The following ACTR3C variants were observed in gnomAD, a reference collection of about 807,000 sequenced individuals.
The protein encoded by ACTR3C is actin-related protein 3C.
ACTR3C carries 18 observed loss-of-function variants against 26.3 expected under a neutral mutation model. The ratio of observed to expected loss-of-function variants is 0.68; its 90% confidence interval spans 0.47 to 1.01. The LOEUF (loss-of-function observed/expected upper bound fraction) is 1.01. Among genes scored for constraint, ACTR3C ranks in the 50% least tolerant of loss-of-function variants. The pLI is 0.00. For missense variants in ACTR3C, 184 were observed against 250.7 expected (o/e 0.73, Z 1.80); for synonymous variants, 55 against 94.5 (o/e 0.58, Z 2.42).
At chr7:150,069,628 G>C in the ACTR3C span, among the ~76,000 whole-genome samples, 1 of 152,202 alleles carries the variant, frequency 6.6e-6, no homozygotes, top group Non-Finnish European at 1.5e-5. Flanking sequence ...GGGAGAGCTT[G>C]GGCATGTGAG....
chr7:149,889,141 G>T, the ACTR3C span, among the ~76,000 whole-genome samples: 1 of 152,172 alleles, frequency 6.6e-6, no homozygotes, highest in African/African-American at 2.4e-5. Context: ...AATATATAAA[G>T]AACTCATACT....
the ACTR3C span, among the ~76,000 whole-genome samples, chr7:150,069,762 A>C: frequency 1.1e-4 from 17 of 152,210 alleles, no homozygotes; most frequent in Non-Finnish European, 2.9e-5. Context: ...TTGTGTATTA[A>C]TAGCTCAGAG....
chr7:150,193,283 T>C, the ACTR3C span, among the ~76,000 whole-genome samples: 256 of 152,248 alleles, frequency 1.7e-3, 1 homozygote, highest in Non-Finnish European at 2.9e-3. Flanking sequence ...ATTTCTCTTT[T>C]ATATTTTAAA....
intron 6 of ACTR3C, among the ~76,000 whole-genome samples, chr7:150,249,960 G>C (rs1832717138): frequency 6.6e-6 from 1 of 152,166 alleles, no homozygotes; most frequent in Admixed American, 6.5e-5. Context: ...GATGGGTTAG[G>C]GTACATGGTG....
At chr7:150,083,220 A>G in the ACTR3C span, among the ~76,000 whole-genome samples, 1 of 151,682 alleles carries the variant, frequency 6.6e-6, no homozygotes, top group Non-Finnish European at 1.5e-5. Context: ...TGCTGGGATT[A>G]TAAGTGTGAG....
the ACTR3C span, among the ~76,000 whole-genome samples, chr7:149,883,554 G>A: frequency 1.3e-5 from 2 of 152,174 alleles, no homozygotes; most frequent in African/African-American, 4.8e-5. Context: ...AGGTAACCAA[G>A]AAAAGTTAAG....
chr7:150,018,549 T>C, the ACTR3C span, among the ~76,000 whole-genome samples: 2 of 150,086 alleles, frequency 1.3e-5, no homozygotes, highest in African/African-American at 2.5e-5. Flanking sequence ...AAGCTTTTCA[T>C]GTTCTTTCGT....
At chr7:150,284,612 T>A in intron 6 of ACTR3C, 141 bp downstream of exon 6, 1 of 686,040 alleles carries the variant, frequency 1.5e-6, no homozygotes, top group Non-Finnish European at 2.2e-6. Context: ...CTCTTACAAT[T>A]ATATTGTCTT....
the ACTR3C span, among the ~76,000 whole-genome samples, chr7:150,167,816 G>T: frequency 6.6e-6 from 1 of 150,510 alleles, no homozygotes; most frequent in Non-Finnish European, 1.5e-5. Flanking sequence ...CTCAATAAAT[G>T]CTCCCTCAAG....
chr7:149,927,825 C>T, the ACTR3C span, among the ~76,000 whole-genome samples: 35 of 152,172 alleles, frequency 2.3e-4, no homozygotes, highest in African/African-American at 4.8e-4. Context: ...TCAAGGTCCT[C>T]GGCCACACTG....
At chr7:150,082,097 G>A in the ACTR3C span, among the ~76,000 whole-genome samples, 7 of 152,190 alleles carry the variant, frequency 4.6e-5, no homozygotes, top group Non-Finnish European at 1.0e-4. Context: ...CTATTGAAAA[G>A]CCCAGACAAG....
At chr7:150,126,944 C>T in the ACTR3C span, among the ~76,000 whole-genome samples, 4 of 152,168 alleles carry the variant, frequency 2.6e-5, no homozygotes, top group African/African-American at 9.6e-5. Context: ...TAGATTAAGA[C>T]AAGAGTTACA....
the ACTR3C span, among the ~76,000 whole-genome samples, chr7:150,099,889 C>T: frequency 2.0e-5 from 3 of 151,758 alleles, no homozygotes; most frequent in South Asian, 2.1e-4. Context: ...AAAGGGAGGT[C>T]GCAGTGGCCT....
At chr7:149,883,917 C>CCG in the ACTR3C span, among the ~76,000 whole-genome samples, 3 of 151,780 alleles carry the variant, frequency 2.0e-5, no homozygotes, top group South Asian at 6.3e-4. Context: ...TCTTCCCGAA[C>CCG]TGTTTCGTAC....
the ACTR3C span, among the ~76,000 whole-genome samples, chr7:149,961,500 T>A: frequency 6.6e-6 from 1 of 150,876 alleles, no homozygotes; most frequent in African/African-American, 2.4e-5. Context: ...AAGTGTATGC[T>A]CAAAGGAAGT....
the ACTR3C span, among the ~76,000 whole-genome samples, chr7:150,219,331 C>T: frequency 6.8e-6 from 1 of 146,958 alleles, no homozygotes; most frequent in African/African-American, 2.7e-5. Context: ...CAGAGTAAAG[C>T]ATAAATTCAG....
chr7:150,143,674 A>T, the ACTR3C span, among the ~76,000 whole-genome samples: 57 of 140,504 alleles, frequency 4.1e-4, no homozygotes, highest in African/African-American at 1.4e-3. Context: ...ATTAAACGCG[A>T]GGCTGCCGGG....
chr7:150,108,285 T>G, the ACTR3C span, among the ~76,000 whole-genome samples: 1 of 149,364 alleles, frequency 6.7e-6, no homozygotes, highest in South Asian at 2.1e-4. Flanking sequence ...GAAAGAGATA[T>G]TATAAGTGTC....
chr7:149,968,649 C>T, the ACTR3C span, among the ~76,000 whole-genome samples: 1 of 152,236 alleles, frequency 6.6e-6, no homozygotes, highest in Admixed American at 6.5e-5. Context: ...GCCATCATGT[C>T]TAGCCTTTTT....
Sources: allele counts gnomAD v4.1 joint callset (sites outside exome capture counted in the v4.1 genomes callset), GRCh38; gene constraint gnomAD v4.1.1; transcripts MANE v1.5; gene names NCBI Gene and HGNC (gene_info 2026-07-23, HGNC 2026-07-21).